RORA: variants seen among roughly 807,000 people sequenced by gnomAD.
RORA encodes the protein nuclear receptor ROR-alpha.
RORA carries 7 observed loss-of-function variants against 69.5 expected under a neutral mutation model. The ratio of observed to expected loss-of-function variants is 0.10; its 90% CI spans 0.06 to 0.19. The LOEUF (loss-of-function observed/expected upper bound fraction) is 0.19. Among genes scored for constraint, RORA ranks in the 10% least tolerant of loss-of-function variants. RORA has a pLI of 1.00. For missense variants in RORA, 457 were observed against 663.0 expected (o/e 0.69, Z 3.41); for synonymous variants, 261 against 240.8 (o/e 1.08, Z -0.78).
At chr15:61,049,646 CTTCT>C (rs1897208198) in intron 1 of RORA, among the ~76,000 whole-genome samples, 1 of 151,964 alleles carries the variant, frequency 6.6e-6, no homozygotes, top group Admixed American at 6.6e-5. Context: ...GCTACAGGTA[CTTCT>C]TTCTTTCTTT....
At chr15:60,685,475 C>T (rs1468723685) in intron 1 of RORA, among the ~76,000 whole-genome samples, 1 of 152,204 alleles carries the variant, frequency 6.6e-6, no homozygotes, top group Non-Finnish European at 1.5e-5. Context: ...ATGTCCCCCT[C>T]CTCCTCAATC....
chr15:61,008,335 G>A (rs1285377718), intron 1 of RORA, among the ~76,000 whole-genome samples: 2 of 151,824 alleles, frequency 1.3e-5, no homozygotes, highest in Non-Finnish European at 2.9e-5. Flanking sequence ...TTACTTTATT[G>A]GGTTTAAGGG....
At chr15:60,859,914 A>G (rs1165782668) in intron 1 of RORA, among the ~76,000 whole-genome samples, 1 of 152,102 alleles carries the variant, frequency 6.6e-6, no homozygotes, top group Non-Finnish European at 1.5e-5. Flanking sequence ...TCAGCCCTGC[A>G]GCCGATCCCT....
intron 1 of RORA, among the ~76,000 whole-genome samples, chr15:60,940,460 G>C (rs1892658804): frequency 6.6e-6 from 1 of 152,176 alleles, no homozygotes; most frequent in Admixed American, 6.5e-5. Context: ...GCAAAATACA[G>C]AGACAGAAAG....
intron 2 of RORA, among the ~76,000 whole-genome samples, chr15:60,605,786 C>A (rs1488562032): frequency 6.6e-6 from 1 of 152,198 alleles, no homozygotes; most frequent in Non-Finnish European, 1.5e-5. Flanking sequence ...TCCTAACTTA[C>A]ATTTATATTA....
At chr15:61,201,952 T>C (rs1244322364) in intron 1 of RORA, among the ~76,000 whole-genome samples, 1 of 152,046 alleles carries the variant, frequency 6.6e-6, no homozygotes, top group African/African-American at 2.4e-5. Flanking sequence ...AATATCTATA[T>C]ATGTAATATG....
intron 1 of RORA, among the ~76,000 whole-genome samples, chr15:61,218,816 T>C (rs2140945085): frequency 6.6e-6 from 1 of 152,286 alleles, no homozygotes; most frequent in South Asian, 2.1e-4. Flanking sequence ...AGAAATACTT[T>C]TCTAGTGCAA....
intron 2 of RORA, among the ~76,000 whole-genome samples, chr15:60,616,392 C>T (rs1233474361): frequency 1.3e-5 from 2 of 152,170 alleles, no homozygotes; most frequent in Non-Finnish European, 1.5e-5. Flanking sequence ...CCCACACCTG[C>T]CAGGCAACCT....
At chr15:61,170,952 C>T (rs748074190) in intron 1 of RORA, among the ~76,000 whole-genome samples, 13 of 152,188 alleles carry the variant, frequency 8.5e-5, no homozygotes, top group Admixed American at 2.6e-4. Flanking sequence ...TCACAATAGT[C>T]GTTTCTGGTA....
intron 2 of RORA, among the ~76,000 whole-genome samples, chr15:60,655,059 CT>C (rs1443399571): frequency 6.6e-6 from 1 of 151,978 alleles, no homozygotes; most frequent in African/African-American, 2.4e-5. Flanking sequence ...TAGTATTGGG[CT>C]TGGTATATGA....
chr15:60,522,770 TAAAA>T (rs34289911), intron 3 of RORA, among the ~76,000 whole-genome samples: 23 of 124,134 alleles, frequency 1.9e-4, no homozygotes, highest in African/African-American at 4.7e-4. Context: ...CCCTGTGTCT[TAAAA>T]AAAAAAAAAA....
At chr15:61,042,015 C>T (rs1009408066) in intron 1 of RORA, among the ~76,000 whole-genome samples, 17 of 152,170 alleles carry the variant, frequency 1.1e-4, no homozygotes, top group Non-Finnish European at 4.4e-5. Context: ...CTGGAACCTG[C>T]GTGATCAGCA....
At position 60,639,960 on chromosome 15, in the gene RORA, A is replaced by G. The variant is rs116303781; in HGVS notation, c.196+38697T>C. Among the ~76,000 whole-genome samples, 935 of 152,310 alleles carry G rather than the reference A, an allele frequency of 6.1e-3. 4 individuals carry two copies. The highest frequency in any genetic ancestry group is 0.018 in the African/African-American group (757 of 41,564). On this transcript the variant is annotated intron_variant, in intron 2 of 10. Coordinates refer to ENST00000335670, the MANE Select transcript of RORA (RefSeq NM_134261.3). ...AGTCTGTGCTCAGAGTTTCTCCCCT[A>G]TCATTGCTTTGGAAAACACTGTTGT...
intron 1 of RORA, among the ~76,000 whole-genome samples, chr15:61,201,308 T>C (rs1297793415): frequency 1.3e-5 from 2 of 152,162 alleles, no homozygotes; most frequent in Non-Finnish European, 2.9e-5. Flanking sequence ...TTACACGCAG[T>C]TTCTTGTATC....
intron 1 of RORA, among the ~76,000 whole-genome samples, chr15:61,109,040 G>A (rs2078978329): frequency 1.3e-5 from 2 of 152,026 alleles, no homozygotes; most frequent in Admixed American, 6.6e-5. Flanking sequence ...TACTAAAAGT[G>A]CAAAAATTAA....
chr15:60,770,907 G>A (rs1283059702), intron 1 of RORA, among the ~76,000 whole-genome samples: 1 of 152,190 alleles, frequency 6.6e-6, no homozygotes, highest in African/African-American at 2.4e-5. Flanking sequence ...CAGGTAAAAT[G>A]CTAGATACCC....
intron 1 of RORA, among the ~76,000 whole-genome samples, chr15:60,748,969 T>G (rs1185889296): frequency 6.6e-6 from 1 of 152,178 alleles, no homozygotes; most frequent in Non-Finnish European, 1.5e-5. Context: ...GTCAATATTT[T>G]GTATAATAGA....
intron 1 of RORA, among the ~76,000 whole-genome samples, chr15:61,184,263 T>G (rs182225195): frequency 6.6e-6 from 1 of 152,218 alleles, no homozygotes; most frequent in Non-Finnish European, 1.5e-5. Flanking sequence ...TGAGAAGCAA[T>G]AGCTATTCAC....
At chr15:60,918,472 TTA>T (rs1891944402) in intron 1 of RORA, among the ~76,000 whole-genome samples, 1 of 152,164 alleles carries the variant, frequency 6.6e-6, no homozygotes, top group South Asian at 2.1e-4. Context: ...TAATTTGCAG[TTA>T]TATAATTTCA....
Sources: gnomAD v4.1 joint callset for allele counts (sites outside exome capture counted in the v4.1 genomes callset) on GRCh38, gnomAD v4.1.1 for gene constraint, MANE v1.5 for transcripts, NCBI Gene and HGNC (gene_info 2026-07-23, HGNC 2026-07-21) for gene names.